The following SCN11A variants were observed in gnomAD, a reference collection of about 807,000 sequenced individuals.
SCN11A encodes the protein sodium voltage-gated channel alpha subunit 11, also known as sodium channel protein type 11 subunit alpha.
SCN11A carries 122 observed loss-of-function variants against 162.2 expected under a neutral mutation model. That is an observed-to-expected ratio of 0.75 (90% CI 0.65 to 0.87). The LOEUF (loss-of-function observed/expected upper bound fraction) is 0.87. SCN11A is among the 40% of genes least tolerant of loss of function. The pLI, the probability that SCN11A is intolerant of heterozygous loss-of-function variation, is 0.00. For missense variants in SCN11A, 2,015 were observed against 2,181.6 expected, an observed-to-expected ratio of 0.92 and a Z score of 1.52; for synonymous variants, 758 against 751.5, an observed-to-expected ratio of 1.01 and a Z score of -0.14.
intron 20 of SCN11A, among the ~76,000 whole-genome samples, chr3:38,885,716 T>A (rs1381262090): frequency 1.3e-5 from 2 of 152,216 alleles, no homozygotes; most frequent in African/African-American, 4.8e-5. Context: ...AATTATGTGA[T>A]GAGAAGAAGG....
At chr3:38,858,936 T>C (rs548588096) in intron 28 of SCN11A, among the ~76,000 whole-genome samples, 1 of 152,110 alleles carries the variant, frequency 6.6e-6, no homozygotes, top group Non-Finnish European at 1.5e-5. Context: ...GGGTTAACAA[T>C]GAAATCAAGA....
chr3:38,992,712 G>C (rs1456977653), intron 2 of SCN11A, among the ~76,000 whole-genome samples: 5 of 152,144 alleles, frequency 3.3e-5, no homozygotes, highest in Non-Finnish European at 7.4e-5. Context: ...CCGGAAGGTG[G>C]CATGGTCACC....
intron 19 of SCN11A, among the ~76,000 whole-genome samples, chr3:38,889,656 C>T (rs9758979): frequency 0.038 from 5,679 of 150,740 alleles, 148 homozygotes; most frequent in South Asian, 0.064. Flanking sequence ...AAAAATCAGC[C>T]GAGTGTGGTG....
chr3:38,860,142 G>C (rs1269936306), intron 28 of SCN11A, among the ~76,000 whole-genome samples: 1 of 151,994 alleles, frequency 6.6e-6, no homozygotes, highest in African/African-American at 2.4e-5. Context: ...TGACCAATTA[G>C]CACTCCCCAT....
intron 2 of SCN11A, among the ~76,000 whole-genome samples, chr3:38,985,973 C>T (rs2030225421): frequency 6.6e-6 from 1 of 150,968 alleles, no homozygotes; most frequent in South Asian, 2.1e-4. Flanking sequence ...CAAGGTTGTA[C>T]TGGCCATTGG....
intron 2 of SCN11A, among the ~76,000 whole-genome samples, chr3:39,010,974 G>A (rs1026149441): frequency 1.1e-4 from 17 of 152,240 alleles, no homozygotes; most frequent in African/African-American, 2.2e-4. Flanking sequence ...TCAAGAGAGC[G>A]GACTGTGGTT....
intron 2 of SCN11A, among the ~76,000 whole-genome samples, chr3:38,980,014 G>A (rs1292303186): frequency 6.6e-6 from 1 of 152,166 alleles, no homozygotes; most frequent in East Asian, 1.9e-4. Context: ...CAGGCCTGCA[G>A]CTCACGTATG....
At chr3:38,951,020 C>T (rs948335260) in intron 4 of SCN11A, among the ~76,000 whole-genome samples, 1 of 152,262 alleles carries the variant, frequency 6.6e-6, no homozygotes. Flanking sequence ...TCGCTCTAGG[C>T]GCCTCCTCTG....
At chr3:39,029,808 A>G (rs536297264) in intron 2 of SCN11A, among the ~76,000 whole-genome samples, 16 of 152,354 alleles carry the variant, frequency 1.1e-4, no homozygotes, top group Admixed American at 8.5e-4. Flanking sequence ...ACCAATTAGC[A>G]AAGAAAGATT....
intron 7 of SCN11A, among the ~76,000 whole-genome samples, chr3:38,944,647 T>A (rs1266741136): frequency 1.3e-5 from 2 of 151,016 alleles, no homozygotes; most frequent in African/African-American, 2.4e-5. Context: ...TTTCTAAGAG[T>A]GTATCTCAAG....
chr3:38,924,590 A>G (rs2066106995), intron 9 of SCN11A, among the ~76,000 whole-genome samples: 2 of 152,060 alleles, frequency 1.3e-5, no homozygotes, highest in Non-Finnish European at 2.9e-5. Context: ...TCAGGCTGAT[A>G]CCAAACTTCT....
intron 2 of SCN11A, among the ~76,000 whole-genome samples, chr3:39,027,540 T>C (rs2031621663): frequency 6.6e-6 from 1 of 152,182 alleles, no homozygotes; most frequent in Admixed American, 6.5e-5. Context: ...CACTCAGCTG[T>C]GGGCAAATTT....
intron 2 of SCN11A, among the ~76,000 whole-genome samples, chr3:38,977,627 G>A (rs1015982719): frequency 6.6e-6 from 1 of 152,184 alleles, no homozygotes; most frequent in Admixed American, 6.5e-5. Context: ...TAAAGCTGCA[G>A]AATATGGCCC....
chr3:38,985,802 A>G (rs1298173406), intron 2 of SCN11A, among the ~76,000 whole-genome samples: 1 of 150,974 alleles, frequency 6.6e-6, no homozygotes, highest in Non-Finnish European at 1.5e-5. Context: ...AAATAGCCAT[A>G]AGTGTTTACC....
intron 9 of SCN11A, among the ~76,000 whole-genome samples, chr3:38,924,752 C>A (rs1442305971): frequency 6.6e-6 from 1 of 151,996 alleles, no homozygotes; most frequent in African/African-American, 2.4e-5. Flanking sequence ...CAAGTTATCT[C>A]CCCACCTTGG....
At position 38,886,134 on chromosome 3, in the gene SCN11A, A is replaced by G; in HGVS notation, c.2940T>C (p.Asp980=). The G allele has an allele frequency of 1.2e-6, 2 of 1,608,598 alleles. No homozygotes were observed. The highest frequency in any genetic ancestry group is 2.2e-5 in the South Asian group (2 of 90,830). Residue 980 remains aspartate (D), a synonymous_variant, in exon 20 of 30, where the codon GAT becomes GAC. Transcript: ENST00000302328. The part of the protein sequence containing the change: ...SEDEPHLTIQ[D]PRKKSDVTSI... ...ATCCTAGGAAAATTACCTTTCGGGG[A>G]TCCTGTATGGTCAGATGAGGCTCAT...
In SCN11A at chr3:38,946,880, T is replaced by C; in HGVS notation, c.295A>G (p.Thr99Ala). The C allele has an allele frequency of 1.2e-6, 2 of 1,613,042 alleles. No individual in the cohort carries two copies. Among genetic ancestry groups the C allele is most frequent in the Non-Finnish European group, 8.5e-7 (1 of 1,179,572 alleles). The change falls in exon 6 of 30, where the codon ACA becomes GCA. Residue 99 changes from threonine (T) to alanine (A), a missense_variant. Transcript: ENST00000302328. ...KTFMVLNRKR[T>A]IYRFSAKHAL... The stretch of plus-strand genomic sequence containing the variant: ...TGCTTGGCACTGAAGCGGTAGATTG[T>C]CCTCTTTCTGTTTAACACCATAAAT...
At chr3:38,994,392 A>G (rs1390664882) in intron 2 of SCN11A, among the ~76,000 whole-genome samples, 1 of 152,186 alleles carries the variant, frequency 6.6e-6, no homozygotes, top group Non-Finnish European at 1.5e-5. Flanking sequence ...TGTTCAGAAC[A>G]TGTTTAGGAC....
intron 2 of SCN11A, among the ~76,000 whole-genome samples, chr3:39,025,148 G>A (rs989116178): frequency 6.6e-6 from 1 of 152,082 alleles, no homozygotes; most frequent in African/African-American, 2.4e-5. Context: ...CTGGGGAAGA[G>A]CAATTCTTGT....
Sources: allele counts gnomAD v4.1 joint callset (sites outside exome capture counted in the v4.1 genomes callset), GRCh38; gene constraint gnomAD v4.1.1; transcripts MANE v1.5; gene names NCBI Gene and HGNC (gene_info 2026-07-23, HGNC 2026-07-21).